FAM135A: variants seen among roughly 807,000 people sequenced by gnomAD.
FAM135A encodes family with sequence similarity 135 member A.
FAM135A carries 79 observed loss-of-function variants against 146.8 expected under a neutral mutation model. The observed-to-expected ratio is 0.54, with a 90% confidence interval of 0.45 to 0.65. The LOEUF (loss-of-function observed/expected upper bound fraction) is 0.65. Ranked by LOEUF, FAM135A falls within the 30% of genes least tolerant of loss-of-function variation. The pLI is 0.00. For synonymous variants in FAM135A, 562 were observed against 603.6 expected (o/e 0.93, Z 1.01); for missense variants, 1,623 against 1,758.2 (o/e 0.92, Z 1.38).
intron 9 of FAM135A, among the ~76,000 whole-genome samples, chr6:70,481,307 A>G (rs986765745): frequency 3.3e-5 from 5 of 152,220 alleles, no homozygotes; most frequent in African/African-American, 1.2e-4. Context: ...TGGTAGAATC[A>G]TTCCAAAGGA....
intron 5 of FAM135A, among the ~76,000 whole-genome samples, chr6:70,464,833 A>ATTTTTTTT (rs67408160): frequency 1.2e-4 from 8 of 64,322 alleles, no homozygotes; most frequent in African/African-American, 4.3e-4. Flanking sequence ...CGCCTGGCCA[A>ATTTTTTTT]TTTTTTTTTT....
chr6:70,530,812 T>A (rs997076581), intron 16 of FAM135A, among the ~76,000 whole-genome samples: 34 of 152,114 alleles, frequency 2.2e-4, no homozygotes, highest in African/African-American at 7.7e-4. Context: ...AATAGAAATA[T>A]AAACTTCATT....
intron 4 of FAM135A, among the ~76,000 whole-genome samples, chr6:70,447,770 C>G (rs1228033153): frequency 6.6e-6 from 1 of 152,134 alleles, no homozygotes; most frequent in East Asian, 1.9e-4. Flanking sequence ...TTTCTTTTTT[C>G]CCCTATCTGG....
At chr6:70,512,215 A>G (rs1461575295) in intron 12 of FAM135A, among the ~76,000 whole-genome samples, 1 of 151,834 alleles carries the variant, frequency 6.6e-6, no homozygotes, top group Non-Finnish European at 1.5e-5. Flanking sequence ...CCCATGTTGT[A>G]TATATTTGTA....
At chr6:70,465,632 G>T (rs548703726) in intron 5 of FAM135A, among the ~76,000 whole-genome samples, 3 of 151,976 alleles carry the variant, frequency 2.0e-5, no homozygotes, top group African/African-American at 4.8e-5. Context: ...CTCCTGCCTC[G>T]GCCTCCTAAA....
intron 12 of FAM135A, among the ~76,000 whole-genome samples, chr6:70,506,952 G>A (rs1398462211): frequency 6.6e-6 from 1 of 151,692 alleles, no homozygotes; most frequent in East Asian, 1.9e-4. Flanking sequence ...TATTCTGGGT[G>A]GACTAGGAAC....
chr6:70,519,060 G>A (rs574277659), intron 12 of FAM135A, among the ~76,000 whole-genome samples: 5 of 152,324 alleles, frequency 3.3e-5, no homozygotes, highest in Admixed American at 2.0e-4. Context: ...AAAAATCACC[G>A]TTGTAGATGC....
chr6:70,432,127 G>A (rs1221173094), intron 4 of FAM135A, among the ~76,000 whole-genome samples: 1 of 151,982 alleles, frequency 6.6e-6, no homozygotes, highest in African/African-American at 2.4e-5. Context: ...AAGAATAGAG[G>A]ATAGAAATGT....
At chr6:70,424,048 T>A (rs9455096) in intron 2 of FAM135A, among the ~76,000 whole-genome samples, 3,840 of 152,298 alleles carry the variant, frequency 0.025, 166 homozygotes, top group African/African-American at 0.088. Flanking sequence ...ATGATGAAGA[T>A]CTCATGCCCT....
Position 70,559,757 on chromosome 6 carries a change from G to A in FAM135A, c.4384G>A (p.Val1462Ile), listed in dbSNP as rs372945451. ...SEMIHNLLRP[V>I]LQSKDCNLVR... The stretch of plus-strand genomic sequence containing the variant: ...AATGATCCACAACTTGCTTCGACCC[G>A]TTCTGCAAAGCAAGGACTGTAATTT... Residue 1462 changes from valine to isoleucine, a missense_variant, in exon 22 of 22, where the codon GTT becomes ATT. Val to Ile is a conservative substitution (Grantham distance 29). This residue lies in a region of FAM135A where 138 missense variants were observed against 174.1 expected (regional missense o/e 0.79). Coordinates refer to ENST00000418814, the MANE Select transcript of FAM135A (RefSeq NM_001162529.3). 10 of 1,613,922 alleles carry A rather than the reference G, an allele frequency of 6.2e-6. No individual in the cohort carries two copies. Among genetic ancestry groups the A allele is most frequent in the African/African-American group, 2.7e-5 (2 of 74,908 alleles).
At chr6:70,430,686 TC>T (rs1305204999) in intron 4 of FAM135A, among the ~76,000 whole-genome samples, 1 of 152,246 alleles carries the variant, frequency 6.6e-6, no homozygotes, top group Non-Finnish European at 1.5e-5. Context: ...TCTGCTTACA[TC>T]TTAATTCTTT....
chr6:70,495,605 CACAT>C (rs1396549599), intron 11 of FAM135A, among the ~76,000 whole-genome samples: 2 of 152,110 alleles, frequency 1.3e-5, no homozygotes, highest in African/African-American at 2.4e-5. Context: ...GATACACACA[CACAT>C]ACACATACAC....
At chr6:70,524,290 A>G (rs1261257542) in intron 14 of FAM135A, 53 bp from the exon 15 acceptor site, 4 of 1,441,148 alleles carry the variant, frequency 2.8e-6, no homozygotes, top group South Asian at 1.5e-5. Flanking sequence ...TCTTAATCAT[A>G]TGAGTTCTCA....
At chr6:70,466,641 T>C (rs1262087189) in intron 5 of FAM135A, among the ~76,000 whole-genome samples, 3 of 152,180 alleles carry the variant, frequency 2.0e-5, no homozygotes, top group African/African-American at 7.2e-5. Flanking sequence ...TGTGATAAAA[T>C]ATTGGATATC....
chr6:70,482,269 G>A, intron 10 of FAM135A, 115 bp downstream of exon 10: 2 of 967,502 alleles, frequency 2.1e-6, no homozygotes, highest in Non-Finnish European at 2.9e-6. Context: ...GTGTTTGTGT[G>A]CTTCACTTCT....
chr6:70,449,271 A>G (rs1712349880), intron 4 of FAM135A, among the ~76,000 whole-genome samples: 1 of 152,022 alleles, frequency 6.6e-6, no homozygotes, highest in African/African-American at 2.4e-5. Flanking sequence ...TTTTAAATCT[A>G]TTCTTTTAGG....
chr6:70,418,146 C>T (rs1030458688), intron 2 of FAM135A, among the ~76,000 whole-genome samples: 3 of 151,966 alleles, frequency 2.0e-5, no homozygotes, highest in African/African-American at 7.3e-5. Context: ...TACTTTGTGC[C>T]CTTTAGTGTA....
chr6:70,435,081 GTATATA>G (rs767689681), intron 4 of FAM135A, among the ~76,000 whole-genome samples: 30,457 of 93,740 alleles, frequency 0.32, 4,523 homozygotes, highest in Non-Finnish European at 0.38. Flanking sequence ...GTGTGTGTGT[GTATATA>G]TATATATATA....
chr6:70,479,456 A>G (rs1050734890), intron 8 of FAM135A, among the ~76,000 whole-genome samples: 1 of 152,220 alleles, frequency 6.6e-6, no homozygotes, highest in African/African-American at 2.4e-5. Flanking sequence ...GCTGTTCTTT[A>G]TCTAGCTGCC....
Sources: gnomAD v4.1 joint callset for allele counts (sites outside exome capture counted in the v4.1 genomes callset) on GRCh38, gnomAD v4.1.1 for gene constraint, gnomAD v4.1.1 regional missense constraint, MANE v1.5 for transcripts, NCBI Gene and HGNC (gene_info 2026-07-23, HGNC 2026-07-21) for gene names.